The following SNTG2 variants were observed in gnomAD, a reference collection of about 807,000 sequenced individuals.
SNTG2 encodes the protein gamma-2-syntrophin.
A neutral mutation model predicts 70.9 loss-of-function variants in SNTG2; 74 were observed. The ratio of observed to expected loss-of-function variants is 1.04; its 90% CI spans 0.86 to 1.27. The LOEUF is 1.27. Among genes scored for constraint, SNTG2 ranks in the 50% most tolerant of loss-of-function variants. The pLI is 0.00. For missense variants in SNTG2, 717 were observed against 690.7 expected, an observed-to-expected ratio of 1.04 and a Z score of -0.43; for synonymous variants, 278 against 273.8, an observed-to-expected ratio of 1.02 and a Z score of -0.15.
intron 9 of SNTG2, among the ~76,000 whole-genome samples, chr2:1,213,385 T>G (rs1222440681): frequency 6.6e-6 from 1 of 152,204 alleles, no homozygotes; most frequent in Non-Finnish European, 1.5e-5. Flanking sequence ...AAGAGTTAGA[T>G]TCTTACAGCA....
intron 14 of SNTG2, 80 bp downstream of exon 14, chr2:1,267,651 T>C (rs1266479694): frequency 3.3e-5 from 42 of 1,284,060 alleles, no homozygotes; most frequent in Non-Finnish European, 4.5e-5. Context: ...TGTAGCAGTT[T>C]ATCGGGGGAA....
chr2:1,296,460 C>T lies in SNTG2; in HGVS notation c.1285-12034C>T, dbSNP rs188623826. Among the ~76,000 whole-genome samples, 685 of 152,372 alleles carry T rather than the reference C, an allele frequency of 4.5e-3. 6 individuals carry two copies. The highest frequency in any genetic ancestry group is 0.015 in the African/African-American group (643 of 41,598). Reference sequence around the variant, plus strand: ...TCTGTGCTGGTGAGCACGCCGCTACCTGCCCCTTAGGCATACATTTCACAA... The same window carrying T: ...TCTGTGCTGGTGAGCACGCCGCTACTTGCCCCTTAGGCATACATTTCACAA... On this transcript the variant is annotated intron_variant, in intron 14 of 16. Coordinates refer to ENST00000308624, the MANE Select transcript of SNTG2 (RefSeq NM_018968.4).
At chr2:1,072,762 T>C (rs1338234303) in intron 1 of SNTG2, among the ~76,000 whole-genome samples, 1 of 152,164 alleles carries the variant, frequency 6.6e-6, no homozygotes, top group Middle Eastern at 3.2e-3. Context: ...CTGGGCAAAG[T>C]AAATTGAAGG....
chr2:1,155,824 G>A (rs932433294), intron 6 of SNTG2, among the ~76,000 whole-genome samples: 6 of 152,176 alleles, frequency 3.9e-5, no homozygotes, highest in African/African-American at 9.7e-5. Flanking sequence ...GTGCAGGCAC[G>A]TGTGGACTTA....
At chr2:1,336,495 C>T (rs1054456532) in intron 16 of SNTG2, among the ~76,000 whole-genome samples, 1 of 152,148 alleles carries the variant, frequency 6.6e-6, no homozygotes, top group African/African-American at 2.4e-5. Context: ...TTGCTTTCAT[C>T]GCTTATGCCT....
chr2:1,264,224 A>C (rs890817271), intron 13 of SNTG2, among the ~76,000 whole-genome samples: 2 of 152,256 alleles, frequency 1.3e-5, no homozygotes, highest in African/African-American at 4.8e-5. Flanking sequence ...ATTTGGCACC[A>C]TCTGCAGTGG....
At chr2:990,707 T>C (rs1313154100) in intron 1 of SNTG2, among the ~76,000 whole-genome samples, 3 of 152,218 alleles carry the variant, frequency 2.0e-5, no homozygotes, top group Non-Finnish European at 1.5e-5. Flanking sequence ...CTATGCATTA[T>C]CAATTTTGAT....
chr2:956,527 A>G (rs1385291641), intron 1 of SNTG2, among the ~76,000 whole-genome samples: 1 of 152,130 alleles, frequency 6.6e-6, no homozygotes, highest in East Asian at 1.9e-4. Context: ...CACCAGGCGC[A>G]GCACCTGCCC....
At chr2:1,356,048 A>G (rs1267649820) in intron 16 of SNTG2, among the ~76,000 whole-genome samples, 2 of 152,092 alleles carry the variant, frequency 1.3e-5, no homozygotes, top group African/African-American at 2.4e-5. Context: ...TTTGTTTTTT[A>G]CTATTGAGTT....
chr2:1,133,955 G>A (rs1668190836), intron 4 of SNTG2, among the ~76,000 whole-genome samples: 1 of 152,150 alleles, frequency 6.6e-6, no homozygotes, highest in Non-Finnish European at 1.5e-5. Context: ...TCCGGAGTTT[G>A]TTCCTTCTGA....
intron 1 of SNTG2, among the ~76,000 whole-genome samples, chr2:960,002 C>G (rs1572164933): frequency 6.6e-6 from 1 of 152,092 alleles, no homozygotes; most frequent in Non-Finnish European, 1.5e-5. Flanking sequence ...ATAGAATTTT[C>G]TATCCTGCTT....
At chr2:988,749 A>C (rs1053486607) in intron 1 of SNTG2, among the ~76,000 whole-genome samples, 2 of 151,180 alleles carry the variant, frequency 1.3e-5, no homozygotes, top group Non-Finnish European at 2.9e-5. Flanking sequence ...TTGCATTTTT[A>C]TATAAATGTA....
At chr2:1,114,407 T>G (rs1666777814) in intron 4 of SNTG2, among the ~76,000 whole-genome samples, 1 of 151,904 alleles carries the variant, frequency 6.6e-6, no homozygotes, top group Non-Finnish European at 1.5e-5. Context: ...TTGAGGAGAA[T>G]CATGTGTACT....
In SNTG2 at chr2:951,047, C is replaced by T. The variant is rs1572154181; in HGVS notation, c.51C>T (p.Gly17=). The T allele has an allele frequency of 1.6e-6, 2 of 1,274,056 alleles. No individual in the cohort carries two copies. The highest frequency in any genetic ancestry group is 3.8e-5 in the Admixed American group (1 of 26,190). 78.9% of individuals were successfully genotyped at this position (1,274,056 alleles called of 1,614,324 possible). A position where few individuals can be genotyped will look rare whatever the true frequency, so the allele number is the denominator to read the frequency against. Residue 17 remains glycine, a synonymous_variant, in exon 1 of 17, where the codon GGC becomes GGT. Coordinates refer to ENST00000308624, the MANE Select transcript of SNTG2 (RefSeq NM_018968.4). The part of the protein sequence containing the change: ...PPPAASRGRQ[G]CLLVPARTKT... Reference sequence around the variant, plus strand: ...CGGCCGCCTCCCGCGGACGCCAGGGCTGCCTGCTGGTACCTGCGCGGGTGA... The same window carrying T: ...CGGCCGCCTCCCGCGGACGCCAGGGTTGCCTGCTGGTACCTGCGCGGGTGA...
chr2:1,213,131 A>G (rs1314524740), intron 9 of SNTG2, among the ~76,000 whole-genome samples: 3 of 152,210 alleles, frequency 2.0e-5, no homozygotes, highest in Non-Finnish European at 4.4e-5. Flanking sequence ...TTAATGTACA[A>G]TGTTATGTTT....
chr2:1,096,839 C>T (rs1312208886), intron 2 of SNTG2, among the ~76,000 whole-genome samples: 3 of 152,128 alleles, frequency 2.0e-5, no homozygotes, highest in African/African-American at 7.2e-5. Flanking sequence ...GCATCTGTGG[C>T]ATTTCAGGTA....
chr2:1,204,194 A>G (rs533288102), intron 8 of SNTG2, among the ~76,000 whole-genome samples: 41 of 152,332 alleles, frequency 2.7e-4, no homozygotes, highest in Middle Eastern at 3.4e-3. Flanking sequence ...TGGATGAGGT[A>G]GAAATACTCT....
At chr2:1,102,953 G>C (rs1665877205) in intron 4 of SNTG2, among the ~76,000 whole-genome samples, 1 of 152,238 alleles carries the variant, frequency 6.6e-6, no homozygotes, top group Non-Finnish European at 1.5e-5. Context: ...CAGCTTTGCA[G>C]AGCATGACAG....
At chr2:954,400 C>G (rs999919684) in intron 1 of SNTG2, among the ~76,000 whole-genome samples, 1 of 152,098 alleles carries the variant, frequency 6.6e-6, no homozygotes, top group Non-Finnish European at 1.5e-5. Context: ...TTGAGTGAGA[C>G]ACAACAAGGA....
Sources: gnomAD v4.1 joint callset for allele counts (sites outside exome capture counted in the v4.1 genomes callset) on GRCh38, gnomAD v4.1.1 for gene constraint, MANE v1.5 for transcripts, NCBI Gene and HGNC (gene_info 2026-07-23, HGNC 2026-07-21) for gene names.